The following SPRR2G variants were observed in gnomAD, a reference collection of about 807,000 sequenced individuals.
SPRR2G encodes small proline-rich protein 2G.
Under a neutral mutation model 0.7 loss-of-function variants are expected in SPRR2G, and 1 was observed. The ratio of observed to expected loss-of-function variants is 1.49; its 90% confidence interval spans 0.53 to 7.06. SPRR2G has a LOEUF of 7.06. Among genes scored for constraint, SPRR2G ranks in the 30% most tolerant of loss-of-function variants. The pLI, the probability that SPRR2G is intolerant of heterozygous loss-of-function variation, is 0.14. For synonymous variants in SPRR2G, 38 were observed against 33.9 expected (o/e 1.12, Z -0.42); for missense variants, 96 against 88.5 (o/e 1.09, Z -0.34).
At chr1:153,182,131 C>T in the SPRR2G span, among the ~76,000 whole-genome samples, 3 of 152,042 alleles carry the variant, frequency 2.0e-5, no homozygotes, top group Non-Finnish European at 4.4e-5. Flanking sequence ...GAGGATATCT[C>T]ACTGTGGTTT....
At chr1:153,156,578 C>T in the SPRR2G span, among the ~76,000 whole-genome samples, 2 of 152,066 alleles carry the variant, frequency 1.3e-5, no homozygotes, top group African/African-American at 2.4e-5. Flanking sequence ...CATTTAAATA[C>T]GCGCTGTTTT....
the SPRR2G span, among the ~76,000 whole-genome samples, chr1:153,197,624 T>C: frequency 1.1e-4 from 16 of 152,224 alleles, no homozygotes; most frequent in African/African-American, 3.9e-4. Context: ...TAGGGCACTG[T>C]ATGAGACAGA....
At chr1:153,196,197 G>C in the SPRR2G span, among the ~76,000 whole-genome samples, 1 of 152,118 alleles carries the variant, frequency 6.6e-6, no homozygotes, top group Non-Finnish European at 1.5e-5. Context: ...ATTATTTTAT[G>C]CCTGTTGATT....
At chr1:153,187,627 T>C in the SPRR2G span, among the ~76,000 whole-genome samples, 2 of 152,144 alleles carry the variant, frequency 1.3e-5, no homozygotes, top group Admixed American at 1.3e-4. Context: ...TTCTTAGCTT[T>C]CTTGCATTGG....
At chr1:153,173,970 T>C in the SPRR2G span, among the ~76,000 whole-genome samples, 10 of 152,238 alleles carry the variant, frequency 6.6e-5, no homozygotes, top group Admixed American at 6.5e-4. Flanking sequence ...TTCACATTTT[T>C]TACTTTGTTA....
chr1:153,180,912 C>T, the SPRR2G span, among the ~76,000 whole-genome samples: 1 of 152,072 alleles, frequency 6.6e-6, no homozygotes, highest in Non-Finnish European at 1.5e-5. Flanking sequence ...TACAGAAATG[C>T]CCTTTCATGA....
At position 153,149,772 on chromosome 1, in the gene SPRR2G, C is replaced by G; in HGVS notation, c.*117G>C. Reference sequence around the variant, plus strand: ...TTTCTCTGTCAACGCTCAAGCCAGACAGAGGTTAGGGAAGATGCAGCCTCC... The same window carrying G: ...TTTCTCTGTCAACGCTCAAGCCAGAGAGAGGTTAGGGAAGATGCAGCCTCC... On this transcript the variant is annotated 3_prime_UTR_variant, in exon 2 of 2. Coordinates refer to ENST00000368748, the MANE Select transcript of SPRR2G (RefSeq NM_001014291.4). 1 of 1,321,500 alleles carries G rather than the reference C, an allele frequency of 7.6e-7. No individual in the cohort carries two copies. The highest frequency in any genetic ancestry group is 2.4e-5 in the East Asian group (1 of 42,144). The allele number at this position is 1,321,500 out of a possible 1,614,324, so 81.9% of individuals were successfully genotyped here.
the SPRR2G span, among the ~76,000 whole-genome samples, chr1:153,164,000 T>C: frequency 6.6e-6 from 1 of 152,242 alleles, no homozygotes; most frequent in East Asian, 1.9e-4. Flanking sequence ...TCAATACCGT[T>C]TCATACTAAT....
the SPRR2G span, among the ~76,000 whole-genome samples, chr1:153,199,146 C>T: frequency 2.6e-5 from 4 of 152,124 alleles, no homozygotes; most frequent in Non-Finnish European, 4.4e-5. Flanking sequence ...GAAAAACTTA[C>T]GCAATGGTGA....
the SPRR2G span, among the ~76,000 whole-genome samples, chr1:153,177,203 T>A: frequency 1.3e-5 from 2 of 152,252 alleles, no homozygotes; most frequent in Non-Finnish European, 1.5e-5. Context: ...GTTTTCTTAA[T>A]GCTAGGCAGT....
chr1:153,199,717 A>ATTT, the SPRR2G span, among the ~76,000 whole-genome samples: 7 of 152,044 alleles, frequency 4.6e-5, no homozygotes, highest in Non-Finnish European at 8.8e-5. Context: ...CTGAAATAAG[A>ATTT]TTTTTTTTAT....
chr1:153,171,422 C>G, the SPRR2G span, among the ~76,000 whole-genome samples: 1 of 152,194 alleles, frequency 6.6e-6, no homozygotes, highest in African/African-American at 2.4e-5. Context: ...AGGAATGCTT[C>G]CCTGTATTCA....
the SPRR2G span, chr1:153,190,215 T>C: frequency 2.6e-5 from 4 of 152,338 alleles, no homozygotes; most frequent in Admixed American, 1.3e-4. Context: ...CTTCATACAG[T>C]AGAAGTCCAG....
the SPRR2G span, among the ~76,000 whole-genome samples, chr1:153,186,053 A>G: frequency 3.9e-3 from 599 of 152,142 alleles, 9 homozygotes; most frequent in African/African-American, 0.013. Context: ...CTGACTTTTA[A>G]TTTGATTGCA....
At chr1:153,159,177 G>A in the SPRR2G span, among the ~76,000 whole-genome samples, 1 of 152,142 alleles carries the variant, frequency 6.6e-6, no homozygotes, top group Non-Finnish European at 1.5e-5. Context: ...TGTATGTGAC[G>A]GTATGCTTTC....
the SPRR2G span, among the ~76,000 whole-genome samples, chr1:153,157,558 A>G: frequency 6.6e-6 from 1 of 152,296 alleles, no homozygotes; most frequent in East Asian, 1.9e-4. Flanking sequence ...ATATGCATAT[A>G]CCCATGATAT....
At chr1:153,169,301 C>T in the SPRR2G span, among the ~76,000 whole-genome samples, 29 of 152,236 alleles carry the variant, frequency 1.9e-4, no homozygotes, top group African/African-American at 6.3e-4. Flanking sequence ...CGCGGTGGCT[C>T]ATGCCAGTAA....
chr1:153,183,622 C>G, the SPRR2G span, among the ~76,000 whole-genome samples: 4 of 152,078 alleles, frequency 2.6e-5, no homozygotes, highest in Admixed American at 2.0e-4. Flanking sequence ...GATATTAGAC[C>G]TTTGTCAGAT....
the SPRR2G span, among the ~76,000 whole-genome samples, chr1:153,201,885 G>C: frequency 0.73 from 111,223 of 152,168 alleles, 41,758 homozygotes; most frequent in African/African-American, 0.91. Context: ...CAAGAGGGTT[G>C]ACTCTAACTA....
Sources: allele counts gnomAD v4.1 joint callset (sites outside exome capture counted in the v4.1 genomes callset), GRCh38; gene constraint gnomAD v4.1.1; transcripts MANE v1.5; gene names NCBI Gene and HGNC (gene_info 2026-07-23, HGNC 2026-07-21).